Variants in NAALADL2 observed in about 807,000 individuals in gnomAD.
NAALADL2 encodes inactive N-acetylated-alpha-linked acidic dipeptidase-like protein 2.
A neutral mutation model predicts 87.2 loss-of-function variants in NAALADL2; 76 were observed. The observed-to-expected ratio is 0.87, with a 90% CI of 0.72 to 1.05. The LOEUF is 1.05. NAALADL2 is among the 50% of genes least tolerant of loss of function. NAALADL2 has a pLI of 0.00. For missense variants in NAALADL2, 1,089 were observed against 945.8 expected (o/e 1.15, Z -1.99); for synonymous variants, 354 against 331.0 (o/e 1.07, Z -0.75).
At chr3:175,432,595 T>C (rs2149167201) in intron 5 of NAALADL2, among the ~76,000 whole-genome samples, 1 of 152,172 alleles carries the variant, frequency 6.6e-6, no homozygotes, top group South Asian at 2.1e-4. Context: ...CACAGCTCAT[T>C]TAATCATGTT....
intron 2 of NAALADL2, among the ~76,000 whole-genome samples, chr3:175,131,271 C>G (rs1328067071): frequency 6.6e-6 from 1 of 151,224 alleles, no homozygotes; most frequent in Admixed American, 6.6e-5. Flanking sequence ...ACAAAGGTCT[C>G]TGGTTTTCCT....
At chr3:175,318,826 A>C (rs553215259) in intron 4 of NAALADL2, among the ~76,000 whole-genome samples, 35 of 152,142 alleles carry the variant, frequency 2.3e-4, no homozygotes, top group Admixed American at 1.9e-3. Context: ...CACTGATCTG[A>C]TTTCTGGTCC....
intron 1 of NAALADL2, among the ~76,000 whole-genome samples, chr3:174,927,889 A>C: frequency 6.6e-6 from 1 of 152,170 alleles, no homozygotes; most frequent in East Asian, 1.9e-4. Context: ...AGAGACACAA[A>C]AAACCCTTCA....
intron 1 of NAALADL2, among the ~76,000 whole-genome samples, chr3:175,048,828 C>T (rs1196434205): frequency 6.6e-6 from 1 of 152,070 alleles, no homozygotes; most frequent in Non-Finnish European, 1.5e-5. Flanking sequence ...ATTCATAATA[C>T]ACCCTGGGAG....
chr3:175,185,472 TAAAA>T (rs1456612291), intron 2 of NAALADL2, among the ~76,000 whole-genome samples: 1 of 151,956 alleles, frequency 6.6e-6, no homozygotes, highest in Non-Finnish European at 1.5e-5. Flanking sequence ...TAAATTGAAT[TAAAA>T]AAACTATTTA....
chr3:175,734,920 A>C (rs936648037), intron 11 of NAALADL2, among the ~76,000 whole-genome samples: 1 of 152,222 alleles, frequency 6.6e-6, no homozygotes, highest in Non-Finnish European at 1.5e-5. Flanking sequence ...TTACTTAGGC[A>C]AATTTCTCCA....
At chr3:174,905,762 C>A (rs1732884838) in intron 1 of NAALADL2, among the ~76,000 whole-genome samples, 1 of 151,930 alleles carries the variant, frequency 6.6e-6, no homozygotes, top group Non-Finnish European at 1.5e-5. Flanking sequence ...ATTGTGGTAT[C>A]TGATGTAGAA....
chr3:174,803,843 C>A (rs533238722), intron 3 of NAALADL2, among the ~76,000 whole-genome samples: 35 of 151,968 alleles, frequency 2.3e-4, no homozygotes, highest in Admixed American at 4.6e-4. Flanking sequence ...CTGTTTTGGT[C>A]CCAGTACCAT....
intron 2 of NAALADL2, among the ~76,000 whole-genome samples, chr3:175,100,300 CA>C (rs1721913230): frequency 6.6e-6 from 1 of 151,710 alleles, no homozygotes. Flanking sequence ...GTTGGAGAAG[CA>C]AAAGCTAGGG....
intron 2 of NAALADL2, among the ~76,000 whole-genome samples, chr3:174,625,082 A>C (rs997408267): frequency 2.1e-5 from 1 of 46,642 alleles, no homozygotes; most frequent in African/African-American, 7.6e-5. Context: ...TTTTTGAGAC[A>C]GGGTCTTTCT....
At chr3:174,479,105 A>G (rs1163154697) in intron 1 of NAALADL2, among the ~76,000 whole-genome samples, 1 of 152,220 alleles carries the variant, frequency 6.6e-6, no homozygotes, top group African/African-American at 2.4e-5. Flanking sequence ...AAAGATATTT[A>G]TACTAAGATG....
chr3:175,304,676 T>C (rs933558044), intron 4 of NAALADL2, among the ~76,000 whole-genome samples: 3 of 152,088 alleles, frequency 2.0e-5, no homozygotes, highest in African/African-American at 7.2e-5. Context: ...CTGATTTGAG[T>C]CTAGGGACAT....
chr3:174,546,573 C>G (rs560869719), intron 1 of NAALADL2, among the ~76,000 whole-genome samples: 104 of 152,202 alleles, frequency 6.8e-4, no homozygotes, highest in Non-Finnish European at 1.2e-3. Context: ...CAGACTCTTA[C>G]GTTGTACCAT....
At chr3:175,207,512 A>T (rs1741121657) in intron 2 of NAALADL2, among the ~76,000 whole-genome samples, 1 of 152,124 alleles carries the variant, frequency 6.6e-6, no homozygotes, top group Non-Finnish European at 1.5e-5. Context: ...TTCATAAAGC[A>T]AAATGACTCA....
chr3:174,951,891 A>T (rs1028755629), intron 1 of NAALADL2, among the ~76,000 whole-genome samples: 91 of 152,064 alleles, frequency 6.0e-4, no homozygotes, highest in African/African-American at 2.1e-3. Flanking sequence ...TTGGTCTGTT[A>T]TTATTCCCCT....
At chr3:174,799,232 C>A (rs1197913575) in intron 3 of NAALADL2, among the ~76,000 whole-genome samples, 1 of 151,584 alleles carries the variant, frequency 6.6e-6, no homozygotes, top group Non-Finnish European at 1.5e-5. Context: ...TTTTTTCTTG[C>A]CTAGTTGTTC....
At chr3:174,658,740 C>A (rs602912) in intron 2 of NAALADL2, among the ~76,000 whole-genome samples, 1 of 151,888 alleles carries the variant, frequency 6.6e-6, no homozygotes, top group Non-Finnish European at 1.5e-5. Flanking sequence ...TAAGTATAGA[C>A]TAAAAATTCT....
In NAALADL2 at chr3:174,914,495, CTT is replaced by C. The variant is rs201129868; in HGVS notation, c.43+55047_43+55048del. Among the ~76,000 whole-genome samples the C allele has an allele frequency of 3.9e-5, 6 of 152,202 alleles. No individual in the cohort carries two copies. In the East Asian group the frequency reaches 1.2e-3, roughly 29 times the overall value. The stretch of plus-strand genomic sequence containing the variant: ...AAGTTTGAATTTCTCTAGTTTTAGA[CTT>C]TGAGTAAATTACTTATTTGAGCCCC... On this transcript the variant is annotated intron_variant, in intron 1 of 13. Transcript: ENST00000454872.
intron 1 of NAALADL2, among the ~76,000 whole-genome samples, chr3:174,895,260 T>TA (rs531405367): frequency 6.7e-5 from 10 of 149,722 alleles, no homozygotes; most frequent in South Asian, 2.1e-4. Flanking sequence ...TTTGAAAACT[T>TA]AAAAAAAAAT....
Sources: allele counts gnomAD v4.1 joint callset (sites outside exome capture counted in the v4.1 genomes callset), GRCh38; gene constraint gnomAD v4.1.1; transcripts MANE v1.5; gene names NCBI Gene and HGNC (gene_info 2026-07-23, HGNC 2026-07-21).